The following NRXN1 variants were observed in gnomAD, a reference collection of about 807,000 sequenced individuals.
The protein encoded by NRXN1 is neurexin 1.
In NRXN1, 39 loss-of-function variants were observed where a neutral mutation model predicts 150.9. That is an observed-to-expected ratio of 0.26 (90% CI 0.20 to 0.34). The LOEUF (loss-of-function observed/expected upper bound fraction) is 0.34. NRXN1 is among the 10% of genes least tolerant of loss of function. The pLI is 1.00. For missense variants in NRXN1, 1,815 were observed against 1,949.9 expected (o/e 0.93, Z 1.30); for synonymous variants, 924 against 757.0 (o/e 1.22, Z -3.62).
At chr2:50,503,689 ACT>A (rs1052426999) in intron 13 of NRXN1, among the ~76,000 whole-genome samples, 7 of 152,130 alleles carry the variant, frequency 4.6e-5, no homozygotes, top group African/African-American at 1.7e-4. Context: ...ATTTTTTGTA[ACT>A]CTCAGAGTAA....
intron 21 of NRXN1, among the ~76,000 whole-genome samples, chr2:49,951,248 A>G (rs1558568354): frequency 6.6e-6 from 1 of 152,010 alleles, no homozygotes; most frequent in African/African-American, 2.4e-5. Flanking sequence ...ATCAAAAAAT[A>G]ACATATTTTA....
chr2:50,162,733 A>C (rs1427314043), intron 18 of NRXN1, among the ~76,000 whole-genome samples: 1 of 152,122 alleles, frequency 6.6e-6, no homozygotes, highest in African/African-American at 2.4e-5. Context: ...AGTAGCAATT[A>C]ATACTATTCT....
At chr2:50,537,941 A>G (rs2093302844) in intron 10 of NRXN1, among the ~76,000 whole-genome samples, 1 of 152,188 alleles carries the variant, frequency 6.6e-6, no homozygotes, top group Non-Finnish European at 1.5e-5. Context: ...AATGTTCTGA[A>G]GTTAAAAACT....
At chr2:50,211,193 A>G (rs1273710897) in intron 18 of NRXN1, among the ~76,000 whole-genome samples, 2 of 151,748 alleles carry the variant, frequency 1.3e-5, no homozygotes, top group Admixed American at 6.6e-5. Context: ...AGAAAGCCCA[A>G]TATAAGAATT....
At chr2:50,127,065 T>G (rs985131) in intron 18 of NRXN1, among the ~76,000 whole-genome samples, 48,653 of 151,780 alleles carry the variant, frequency 0.32, 8,236 homozygotes, top group Non-Finnish European at 0.37. Flanking sequence ...CTGCCAGGAG[T>G]TGAAATGATT....
chr2:50,485,485 G>A (rs2090803113), intron 15 of NRXN1, among the ~76,000 whole-genome samples: 1 of 152,128 alleles, frequency 6.6e-6, no homozygotes, highest in South Asian at 2.1e-4. Flanking sequence ...TTGCGTTCCC[G>A]ACCACTGGAG....
At chr2:50,039,254 T>C (rs1005157597) in intron 21 of NRXN1, among the ~76,000 whole-genome samples, 1 of 151,972 alleles carries the variant, frequency 6.6e-6, no homozygotes, top group Non-Finnish European at 1.5e-5. Flanking sequence ...TCACCTGAGG[T>C]CAGGAGTTCA....
intron 18 of NRXN1, among the ~76,000 whole-genome samples, chr2:50,113,135 A>G (rs1702595235): frequency 6.6e-6 from 1 of 152,180 alleles, no homozygotes; most frequent in African/African-American, 2.4e-5. Context: ...CATTTTTGCA[A>G]CACATCCTTC....
rs182953591 is a variant in NRXN1 at position 50,253,036 on chromosome 2, T to C, written c.3365-16066A>G. The stretch of plus-strand genomic sequence containing the variant: ...ATTTTCATGATATTGATTCTTCCTA[T>C]CCATGAGCATGGAATGCTTTTTCAT... On this transcript the variant is annotated intron_variant, in intron 17 of 22. Coordinates refer to ENST00000401669, the MANE Select transcript of NRXN1 (RefSeq NM_001330078.2). 4.9e-3 allele frequency among the ~76,000 whole-genome samples: 750 copies of C among 152,318 alleles called. 6 individuals are homozygous for C. The highest frequency in any genetic ancestry group is 0.031 in the Middle Eastern group (9 of 294).
At chr2:49,975,079 T>C (rs1678712940) in intron 21 of NRXN1, among the ~76,000 whole-genome samples, 1 of 150,770 alleles carries the variant, frequency 6.6e-6, no homozygotes, top group African/African-American at 2.4e-5. Context: ...CAATGTGAGA[T>C]GATTATATAT....
intron 18 of NRXN1, among the ~76,000 whole-genome samples, chr2:50,170,798 C>T (rs1488915955): frequency 4.6e-5 from 6 of 131,342 alleles, no homozygotes; most frequent in East Asian, 2.5e-4. Context: ...TGTGTGTATG[C>T]ATCTGTATAG....
At chr2:50,687,729 TA>T (rs2104849598) in intron 5 of NRXN1, among the ~76,000 whole-genome samples, 1 of 152,306 alleles carries the variant, frequency 6.6e-6, no homozygotes, top group South Asian at 2.1e-4. Flanking sequence ...GCAACCGCGT[TA>T]GGGTTGAGGT....
chr2:50,020,006 C>A (rs1170148747), intron 21 of NRXN1, among the ~76,000 whole-genome samples: 1 of 143,292 alleles, frequency 7.0e-6, no homozygotes, highest in South Asian at 2.3e-4. Flanking sequence ...GCTACGTCCT[C>A]ATTAACTATT....
intron 21 of NRXN1, among the ~76,000 whole-genome samples, chr2:50,020,078 G>A (rs1170520339): frequency 3.3e-5 from 5 of 151,098 alleles, no homozygotes; most frequent in Non-Finnish European, 5.9e-5. Flanking sequence ...CTTAATAGGT[G>A]TATTTGTATA....
chr2:50,039,633 G>T (rs982986666), intron 21 of NRXN1, among the ~76,000 whole-genome samples: 1 of 152,136 alleles, frequency 6.6e-6, no homozygotes, highest in Non-Finnish European at 1.5e-5. Context: ...AAGCAGTCCA[G>T]ACTGGTGCTA....
At chr2:50,578,357 G>A (rs1362378069) in intron 8 of NRXN1, among the ~76,000 whole-genome samples, 5 of 152,150 alleles carry the variant, frequency 3.3e-5, no homozygotes, top group African/African-American at 1.2e-4. Flanking sequence ...GGGTACTTAG[G>A]AGGATTCTTT....
At chr2:50,614,716 A>C (rs1266508165) in intron 8 of NRXN1, among the ~76,000 whole-genome samples, 1 of 141,696 alleles carries the variant, frequency 7.1e-6, no homozygotes, top group Non-Finnish European at 1.5e-5. Context: ...TAACCTATTA[A>C]ACTAATATCA....
intron 17 of NRXN1, among the ~76,000 whole-genome samples, chr2:50,458,288 G>A (rs1022066081): frequency 6.6e-6 from 1 of 152,066 alleles, no homozygotes; most frequent in Admixed American, 6.6e-5. Flanking sequence ...GCCATAAAGG[G>A]TAGAAAGGTG....
intron 17 of NRXN1, among the ~76,000 whole-genome samples, chr2:50,252,182 CTTT>C (rs200826084): frequency 1.4e-4 from 18 of 126,158 alleles, no homozygotes; most frequent in African/African-American, 3.7e-4. Flanking sequence ...ACATTTAAGT[CTTT>C]TTTTTTTTTA....
Sources: allele counts gnomAD v4.1 joint callset (sites outside exome capture counted in the v4.1 genomes callset), GRCh38; gene constraint gnomAD v4.1.1; transcripts MANE v1.5; gene names NCBI Gene and HGNC (gene_info 2026-07-23, HGNC 2026-07-21).